CPNE8: variants seen among roughly 807,000 people sequenced by gnomAD.
CPNE8 encodes the protein copine 8.
CPNE8 carries 45 observed loss-of-function variants against 81.5 expected under a neutral mutation model. The observed-to-expected ratio is 0.55, with a 90% CI of 0.44 to 0.71. The LOEUF (loss-of-function observed/expected upper bound fraction) is 0.71, where lower values mean the gene tolerates loss of function less well. Among genes scored for constraint, CPNE8 ranks in the 30% least tolerant of loss-of-function variants. CPNE8 has a pLI of 0.00. For missense variants in CPNE8, 594 were observed against 672.1 expected, an observed-to-expected ratio of 0.88 and a Z score of 1.28; for synonymous variants, 252 against 226.3, an observed-to-expected ratio of 1.11 and a Z score of -1.02.
Position 38,653,846 on chromosome 12 carries a change from T to C in CPNE8, c.*36A>G, listed in dbSNP as rs1425444405. Reference sequence around the variant, plus strand: ...GGCACAAAGCATTAACTCAGCACTTTTGATTTGTAGTTGACATTAGCATTT... The same window carrying C: ...GGCACAAAGCATTAACTCAGCACTTCTGATTTGTAGTTGACATTAGCATTT... On this transcript the variant is annotated 3_prime_UTR_variant, in exon 20 of 20. Transcript: ENST00000331366. 6.3e-7 allele frequency: 1 copy of C among 1,599,058 alleles called. No individual in the cohort carries two copies. The highest frequency in any genetic ancestry group is 1.3e-5 in the African/African-American group (1 of 74,162).
chr12:38,675,565 T>C, intron 18 of CPNE8, 152 bp downstream of exon 18: 1 of 582,352 alleles, frequency 1.7e-6, no homozygotes, highest in Non-Finnish European at 3.0e-6. Flanking sequence ...GCTATCTATG[T>C]ATATGTCTAA....
At chr12:38,832,979 C>A (rs995868857) in intron 5 of CPNE8, among the ~76,000 whole-genome samples, 2 of 152,014 alleles carry the variant, frequency 1.3e-5, no homozygotes, top group African/African-American at 4.8e-5. Context: ...ATTTAAATTA[C>A]AAATACAATT....
At chr12:38,739,622 T>G (rs751374997) in intron 10 of CPNE8, among the ~76,000 whole-genome samples, 1 of 152,194 alleles carries the variant, frequency 6.6e-6, no homozygotes, top group Non-Finnish European at 1.5e-5. Flanking sequence ...CTTAGTAGGC[T>G]TTCTAATAAT....
Position 38,653,751 on chromosome 12 carries a change from A to G in CPNE8, c.*131T>C, listed in dbSNP as rs1938756853. 7.6e-7 allele frequency: 1 copy of G among 1,315,908 alleles called. No individual in the cohort carries two copies. Among genetic ancestry groups the G allele is most frequent in the African/African-American group, 1.5e-5 (1 of 65,126 alleles). The allele number at this position is 1,315,908 out of a possible 1,614,324, so 81.5% of individuals were successfully genotyped here. ...AGGAAGATATTTAAATTTGGATCCAAGAAAGCACATTAACTGCTGAAACCA... is the reference window on the plus strand; with the variant it reads ...AGGAAGATATTTAAATTTGGATCCAGGAAAGCACATTAACTGCTGAAACCA... On this transcript the variant is annotated 3_prime_UTR_variant, in exon 20 of 20. Transcript: ENST00000331366.
At chr12:38,773,170 TG>T (rs1246590525) in intron 7 of CPNE8, among the ~76,000 whole-genome samples, 1 of 152,016 alleles carries the variant, frequency 6.6e-6, no homozygotes, top group Non-Finnish European at 1.5e-5. Context: ...AAGAAGAAAC[TG>T]GAAGGTATTA....
chr12:38,768,011 AG>A (rs2136869202), intron 7 of CPNE8, among the ~76,000 whole-genome samples: 1 of 152,246 alleles, frequency 6.6e-6, no homozygotes, highest in African/African-American at 2.4e-5. Context: ...AGGTGATGCC[AG>A]GTACTCAATT....
intron 6 of CPNE8, among the ~76,000 whole-genome samples, chr12:38,790,994 C>T (rs1942309394): frequency 1.3e-5 from 2 of 151,714 alleles, no homozygotes; most frequent in Admixed American, 1.3e-4. Context: ...TCTTCTTTCA[C>T]AGCAGTCTCA....
chr12:38,825,069 A>C (rs1324346118), intron 6 of CPNE8, among the ~76,000 whole-genome samples: 4 of 152,196 alleles, frequency 2.6e-5, no homozygotes, highest in African/African-American at 9.7e-5. Flanking sequence ...GAATAGATAG[A>C]AGAGCTATAC....
At chr12:38,794,599 A>T (rs986932202) in intron 6 of CPNE8, among the ~76,000 whole-genome samples, 1 of 152,022 alleles carries the variant, frequency 6.6e-6, no homozygotes. Context: ...TCCACAATTA[A>T]ATATCACCTC....
At chr12:38,854,776 A>G (rs986668027) in intron 3 of CPNE8, among the ~76,000 whole-genome samples, 4 of 152,122 alleles carry the variant, frequency 2.6e-5, no homozygotes, top group Non-Finnish European at 5.9e-5. Context: ...CCTCTATACA[A>G]TAAAAGACAT....
intron 6 of CPNE8, among the ~76,000 whole-genome samples, chr12:38,807,436 G>C (rs1020992113): frequency 9.9e-5 from 15 of 151,992 alleles, no homozygotes; most frequent in East Asian, 7.7e-4. Context: ...AGAGCCCTCA[G>C]AAATAACACT....
intron 10 of CPNE8, among the ~76,000 whole-genome samples, chr12:38,748,510 T>C (rs1592058698): frequency 1.3e-5 from 2 of 152,128 alleles, no homozygotes; most frequent in East Asian, 3.9e-4. Context: ...TTTTTTTTCT[T>C]TCTTTTCTGA....
intron 10 of CPNE8, among the ~76,000 whole-genome samples, chr12:38,734,932 A>G (rs1940918789): frequency 6.6e-6 from 1 of 152,132 alleles, no homozygotes; most frequent in African/African-American, 2.4e-5. Flanking sequence ...TCATGCAGGT[A>G]TGCTTAATTC....
Position 38,670,797 on chromosome 12 carries a change from C to G in CPNE8, c.1438G>C (p.Val480Leu). 3.7e-6 allele frequency: 6 copies of G among 1,605,448 alleles called. No individual in the cohort carries two copies. The highest frequency in any genetic ancestry group is 5.1e-6 in the Non-Finnish European group (6 of 1,174,502). Reference protein sequence around the residue: ...GVGPAEFDAMVELDGDDVRVS... With the variant: ...GVGPAEFDAMLELDGDDVRVS... ...CTTACATCATCTCCATCCAATTCGA[C>G]CATTGCTTTAAGAGAAAATATGATC... Residue 480 changes from valine (V) to leucine (L), a missense_variant, in exon 19 of 20, where the codon GTC becomes CTC. Coordinates refer to ENST00000331366, the MANE Select transcript of CPNE8 (RefSeq NM_153634.3).
intron 10 of CPNE8, among the ~76,000 whole-genome samples, chr12:38,739,393 A>G (rs775703350): frequency 2.0e-5 from 3 of 152,198 alleles, no homozygotes; most frequent in Non-Finnish European, 4.4e-5. Context: ...GAGACATTAA[A>G]TCTAATAATT....
chr12:38,886,562 G>T (rs1944239773), intron 1 of CPNE8, among the ~76,000 whole-genome samples: 1 of 152,150 alleles, frequency 6.6e-6, no homozygotes, highest in Non-Finnish European at 1.5e-5. Flanking sequence ...TGTATTATGT[G>T]CCAGGCACTA....
chr12:38,790,644 G>A (rs1414670190), intron 6 of CPNE8, among the ~76,000 whole-genome samples: 1 of 151,508 alleles, frequency 6.6e-6, no homozygotes, highest in Admixed American at 6.6e-5. Context: ...TGAGGGGATG[G>A]ATACCATATT....
At chr12:38,820,442 C>G (rs1034817728) in intron 6 of CPNE8, among the ~76,000 whole-genome samples, 1 of 151,766 alleles carries the variant, frequency 6.6e-6, no homozygotes, top group African/African-American at 2.4e-5. Context: ...AAAATAGAAA[C>G]TCATCTGAAT....
At chr12:38,775,371 C>G (rs976388703) in intron 7 of CPNE8, among the ~76,000 whole-genome samples, 2 of 152,142 alleles carry the variant, frequency 1.3e-5, no homozygotes, top group Non-Finnish European at 1.5e-5. Flanking sequence ...AACTATGGCT[C>G]TCTCTATAAA....
Sources: allele counts gnomAD v4.1 joint callset (sites outside exome capture counted in the v4.1 genomes callset), GRCh38; gene constraint gnomAD v4.1.1; transcripts MANE v1.5; gene names NCBI Gene and HGNC (gene_info 2026-07-23, HGNC 2026-07-21).